The following GDAP1 variants were observed in gnomAD, a reference collection of about 807,000 sequenced individuals.
GDAP1 encodes the protein ganglioside-induced differentiation-associated protein 1.
GDAP1 carries 34 observed loss-of-function variants against 40.1 expected under a neutral mutation model. The observed-to-expected ratio is 0.85, with a 90% CI of 0.64 to 1.13. The LOEUF is 1.13. Ranked by LOEUF, GDAP1 falls within the 50% of genes most tolerant of loss-of-function variation. The probability of loss-of-function intolerance (pLI) is 0.00; values close to 1 mark genes in which losing one functional copy is unlikely to be tolerated. For synonymous variants in GDAP1, 170 were observed against 157.4 expected (o/e 1.08, Z -0.60); for missense variants, 374 against 433.7 (o/e 0.86, Z 1.22).
At chr8:74,432,805 A>G (rs1284691422) in intron 2 of GDAP1, among the ~76,000 whole-genome samples, 1 of 152,210 alleles carries the variant, frequency 6.6e-6, no homozygotes, top group Non-Finnish European at 1.5e-5. Context: ...TGCTCCTTCT[A>G]TAGCACTTGT....
intron 2 of GDAP1, among the ~76,000 whole-genome samples, chr8:74,352,763 AT>A (rs1360743160): frequency 6.6e-6 from 1 of 152,132 alleles, no homozygotes; most frequent in Admixed American, 6.5e-5. Flanking sequence ...ATTTAAGAGA[AT>A]TTTTCTCAAT....
At chr8:74,471,610 T>C (rs896947398) in intron 2 of GDAP1, among the ~76,000 whole-genome samples, 6 of 152,192 alleles carry the variant, frequency 3.9e-5, no homozygotes, top group Non-Finnish European at 8.8e-5. Context: ...CTACATATAC[T>C]GGTGAGACCA....
At chr8:74,480,102 C>T (rs1023234383) in intron 2 of GDAP1, among the ~76,000 whole-genome samples, 7 of 150,578 alleles carry the variant, frequency 4.6e-5, no homozygotes, top group African/African-American at 1.7e-4. Flanking sequence ...GATTCTCCTG[C>T]TTTAGCCTCC....
At chr8:74,453,351 C>T (rs111779390) in intron 2 of GDAP1, among the ~76,000 whole-genome samples, 9,582 of 83,530 alleles carry the variant, frequency 0.11, 4,269 homozygotes, top group African/African-American at 0.48. Flanking sequence ...TATATTCACT[C>T]AGGCTATGAG....
chr8:74,479,798 C>A (rs1417791770), intron 2 of GDAP1, among the ~76,000 whole-genome samples: 1 of 152,152 alleles, frequency 6.6e-6, no homozygotes, highest in Non-Finnish European at 1.5e-5. Flanking sequence ...ATGCAGCAGG[C>A]TAGCCTGGGG....
intron 2 of GDAP1, among the ~76,000 whole-genome samples, chr8:74,415,177 G>C (rs906051751): frequency 6.7e-6 from 1 of 150,168 alleles, no homozygotes; most frequent in Non-Finnish European, 1.5e-5. Flanking sequence ...GAAGAGAAAT[G>C]ATACCAGAAG....
At chr8:74,375,064 A>G (rs1320688650) in intron 2 of GDAP1, among the ~76,000 whole-genome samples, 1 of 88,406 alleles carries the variant, frequency 1.1e-5, no homozygotes, top group Admixed American at 1.4e-4. Flanking sequence ...GTGGAGGCTT[A>G]TGCCTGTAAT....
At chr8:74,488,134 G>C (rs1235230159) in intron 2 of GDAP1, among the ~76,000 whole-genome samples, 1 of 152,034 alleles carries the variant, frequency 6.6e-6, no homozygotes, top group Non-Finnish European at 1.5e-5. Flanking sequence ...AATATTAGAG[G>C]AACAAGCATT....
intron 2 of GDAP1, among the ~76,000 whole-genome samples, chr8:74,356,691 T>TG (rs58170972): frequency 0.066 from 8,222 of 123,958 alleles, 508 homozygotes; most frequent in Non-Finnish European, 0.1. Flanking sequence ...TGTGTGTGTG[T>TG]TTGTGTGTGT....
At chr8:74,378,011 T>A (rs904577800) in intron 2 of GDAP1, among the ~76,000 whole-genome samples, 3 of 152,084 alleles carry the variant, frequency 2.0e-5, no homozygotes, top group East Asian at 1.9e-4. Flanking sequence ...TGTGAGGAGG[T>A]AATGGGCTCA....
At chr8:74,436,375 T>C (rs1461968937) in intron 2 of GDAP1, among the ~76,000 whole-genome samples, 2 of 151,916 alleles carry the variant, frequency 1.3e-5, no homozygotes, top group Admixed American at 1.3e-4. Context: ...TATAAACTTT[T>C]GATGCAGAAA....
At chr8:74,455,648 AT>A (rs1026683123) in intron 2 of GDAP1, among the ~76,000 whole-genome samples, 1 of 151,308 alleles carries the variant, frequency 6.6e-6, no homozygotes. Flanking sequence ...TCCATTTTTC[AT>A]TTTTTTTCTC....
At chr8:74,457,829 A>G (rs1223889801) in intron 2 of GDAP1, among the ~76,000 whole-genome samples, 1 of 152,178 alleles carries the variant, frequency 6.6e-6, no homozygotes, top group African/African-American at 2.4e-5. Context: ...ACAAGACACT[A>G]TGACTCAGTG....
At chr8:74,448,121 G>A (rs547098323) in intron 2 of GDAP1, among the ~76,000 whole-genome samples, 2 of 152,258 alleles carry the variant, frequency 1.3e-5, no homozygotes, top group South Asian at 4.2e-4. Flanking sequence ...TTAGTGCAAT[G>A]TGCAGATAGA....
intron 2 of GDAP1, among the ~76,000 whole-genome samples, chr8:74,422,513 TTCCTTCCTTCCTTC>T (rs1321521363): frequency 7.2e-6 from 1 of 138,326 alleles, no homozygotes; most frequent in Non-Finnish European, 1.6e-5. Flanking sequence ...CCTTCCTTCC[TTCCTTCCTTCCTTC>T]CTTCCTTCTT....
intron 2 of GDAP1, among the ~76,000 whole-genome samples, chr8:74,402,475 G>A (rs192680832): frequency 3.4e-4 from 51 of 150,536 alleles, no homozygotes; most frequent in Admixed American, 5.9e-4. Context: ...TCTTTGACTA[G>A]GAAAGGGAAC....
intron 2 of GDAP1, among the ~76,000 whole-genome samples, chr8:74,412,303 T>A (rs1470201931): frequency 6.7e-6 from 1 of 149,908 alleles, no homozygotes; most frequent in East Asian, 1.9e-4. Flanking sequence ...TAAAGAGATA[T>A]GAAAGATGTG....
chr8:74,444,963 T>G (rs1806209798), intron 2 of GDAP1, among the ~76,000 whole-genome samples: 1 of 152,208 alleles, frequency 6.6e-6, no homozygotes, highest in Non-Finnish European at 1.5e-5. Flanking sequence ...ATTAGTTTGA[T>G]TCTGGGGTTC....
intron 2 of GDAP1, among the ~76,000 whole-genome samples, chr8:74,439,386 A>G (rs1806132895): frequency 6.6e-6 from 1 of 151,986 alleles, no homozygotes; most frequent in Non-Finnish European, 1.5e-5. Context: ...CTTATTTTCA[A>G]TGGTATCTCT....
Sources: allele counts gnomAD v4.1 joint callset (sites outside exome capture counted in the v4.1 genomes callset), GRCh38; gene constraint gnomAD v4.1.1; transcripts MANE v1.5; gene names NCBI Gene and HGNC (gene_info 2026-07-23, HGNC 2026-07-21).